PTK2: variants seen among roughly 807,000 people sequenced by gnomAD.
PTK2 encodes focal adhesion kinase 1.
PTK2 carries 45 observed loss-of-function variants against 150.1 expected under a neutral mutation model. The ratio of observed to expected loss-of-function variants is 0.30; its 90% CI spans 0.24 to 0.38. PTK2 has a LOEUF of 0.38. PTK2 is among the 10% of genes least tolerant of loss of function. PTK2 has a pLI of 1.00. For synonymous variants in PTK2, 432 were observed against 449.2 expected (o/e 0.96, Z 0.48); for missense variants, 919 against 1,307.3 (o/e 0.70, Z 4.58).
chr8:140,809,543 G>A (rs912036509), intron 10 of PTK2, among the ~76,000 whole-genome samples: 2 of 152,174 alleles, frequency 1.3e-5, no homozygotes. Context: ...AGTGGTTCAC[G>A]CCTGTAATCT....
intron 3 of PTK2, 189 bp downstream of exon 3, chr8:140,890,354 T>C: frequency 2.0e-6 from 1 of 494,964 alleles, no homozygotes; most frequent in East Asian, 3.2e-5. Flanking sequence ...TCTAAGAAAC[T>C]TTACAACAAT....
intron 1 of PTK2, among the ~76,000 whole-genome samples, chr8:140,957,763 G>A (rs954642114): frequency 6.6e-6 from 1 of 152,110 alleles, no homozygotes; most frequent in South Asian, 2.1e-4. Context: ...ACAATATTCT[G>A]TACAGTAACA....
intron 2 of PTK2, among the ~76,000 whole-genome samples, chr8:140,902,920 AGTT>A (rs1167941567): frequency 1.5e-4 from 8 of 54,018 alleles, no homozygotes; most frequent in East Asian, 1.1e-3. Flanking sequence ...CTCTGATGAG[AGTT>A]GTTTTTTTTT....
intron 29 of PTK2, chr8:140,669,133 A>C (rs1454383746): frequency 1.3e-5 from 2 of 152,030 alleles, no homozygotes; most frequent in African/African-American, 2.4e-5. Flanking sequence ...AGGGAAGATG[A>C]GGCCAAAGAT....
intron 1 of PTK2, among the ~76,000 whole-genome samples, chr8:140,936,390 G>A (rs2100173632): frequency 6.6e-6 from 1 of 152,042 alleles, no homozygotes; most frequent in Admixed American, 6.5e-5. Flanking sequence ...TCTACAACAA[G>A]GTATAAGGTA....
At chr8:140,874,223 G>A (rs1245463288) in intron 4 of PTK2, among the ~76,000 whole-genome samples, 1 of 152,196 alleles carries the variant, frequency 6.6e-6, no homozygotes, top group East Asian at 1.9e-4. Flanking sequence ...TGTGCTGCAA[G>A]CTAGCTTACC....
At chr8:140,758,531 C>T (rs540059723) in intron 16 of PTK2, among the ~76,000 whole-genome samples, 1 of 152,150 alleles carries the variant, frequency 6.6e-6, no homozygotes, top group Admixed American at 6.5e-5. Context: ...CCTCTGAGGA[C>T]CTTCCAGTGG....
intron 3 of PTK2, among the ~76,000 whole-genome samples, chr8:140,889,235 T>A (rs1054838407): frequency 4.6e-5 from 7 of 151,568 alleles, no homozygotes; most frequent in Admixed American, 1.3e-4. Context: ...ATCTTTTTTT[T>A]CTTTTTTTTC....
chr8:140,805,210 TA>T (rs1396780407), intron 10 of PTK2, among the ~76,000 whole-genome samples: 1 of 152,116 alleles, frequency 6.6e-6, no homozygotes, highest in Non-Finnish European at 1.5e-5. Flanking sequence ...ACAACATAGT[TA>T]AAAGGGTACT....
chr8:140,786,911 G>C (rs1358708831), intron 14 of PTK2, among the ~76,000 whole-genome samples: 2 of 152,032 alleles, frequency 1.3e-5, no homozygotes, highest in Non-Finnish European at 2.9e-5. Context: ...CAGAACAACA[G>C]AGATAAGGAG....
intron 15 of PTK2, among the ~76,000 whole-genome samples, chr8:140,763,795 G>A (rs2100070683): frequency 6.6e-6 from 1 of 152,062 alleles, no homozygotes; most frequent in African/African-American, 2.4e-5. Context: ...TTTAAAGGGG[G>A]AAAATGCAAA....
chr8:140,865,001 G>A (rs2100138442), intron 4 of PTK2, among the ~76,000 whole-genome samples: 6 of 152,136 alleles, frequency 3.9e-5, no homozygotes, highest in South Asian at 2.1e-4. Context: ...GCATGCCAAA[G>A]AGGTTGTAAC....
At chr8:140,783,075 C>T (rs910379115) in intron 14 of PTK2, among the ~76,000 whole-genome samples, 3 of 151,334 alleles carry the variant, frequency 2.0e-5, no homozygotes, top group Non-Finnish European at 2.9e-5. Flanking sequence ...CCCGTCTCTA[C>T]AAAAAAAATA....
intron 26 of PTK2, among the ~76,000 whole-genome samples, chr8:140,694,653 C>G (rs1452153531): frequency 6.6e-6 from 1 of 152,116 alleles, no homozygotes. Context: ...GGACACAGAC[C>G]AATAGCTCTG....
rs2100124280 is a variant in PTK2 at position 140,844,679 on chromosome 8, C to T, written c.593+1581G>A. ...CACCCGTGTATTATTCCTCCTCTCC[C>T]TCAAACTGCATTTTTCCAAGCAGCT... On this transcript the variant is annotated intron_variant, in intron 7 of 31. Transcript: ENST00000522684. Among the ~76,000 whole-genome samples the T allele has an allele frequency of 2.0e-5, 3 of 152,188 alleles. No homozygotes were observed. In the South Asian group the frequency reaches 6.2e-4, roughly 32 times the overall value.
At chr8:140,832,560 G>C (rs1222499008) in intron 7 of PTK2, among the ~76,000 whole-genome samples, 1 of 152,186 alleles carries the variant, frequency 6.6e-6, no homozygotes, top group Non-Finnish European at 1.5e-5. Flanking sequence ...ACTGCTGTCT[G>C]GACAGCTTCT....
Position 140,808,520 on chromosome 8 carries a change from C to T in PTK2, c.868-4870G>A, listed in dbSNP as rs78888984. 2.2e-4 allele frequency among the ~76,000 whole-genome samples: 33 copies of T among 152,106 alleles called. No individual in the cohort carries two copies. In the East Asian group the frequency reaches 5.2e-3, roughly 24 times the overall value. The stretch of plus-strand genomic sequence containing the variant: ...TCAAGGAACATTTATAAAAATCATA[C>T]GCTTGGCCATAAAGAAGATCTTAAC... On this transcript the variant is annotated intron_variant, in intron 10 of 31. Transcript: ENST00000522684.
intron 14 of PTK2, among the ~76,000 whole-genome samples, chr8:140,779,027 A>ACGCCT (rs2100080090): frequency 6.6e-6 from 1 of 151,910 alleles, no homozygotes; most frequent in Non-Finnish European, 1.5e-5. Context: ...TTGGGAGGCC[A>ACGCCT]AGGAGGGCAG....
chr8:140,741,530 A>G (rs1208774291), intron 20 of PTK2, among the ~76,000 whole-genome samples: 2 of 152,028 alleles, frequency 1.3e-5, no homozygotes, highest in Non-Finnish European at 2.9e-5. Context: ...AATAATATAC[A>G]GAAGACATAT....
Sources: allele counts gnomAD v4.1 joint callset (sites outside exome capture counted in the v4.1 genomes callset), GRCh38; gene constraint gnomAD v4.1.1; transcripts MANE v1.5; gene names NCBI Gene and HGNC (gene_info 2026-07-23, HGNC 2026-07-21).